RANBP2: variants seen among roughly 807,000 people sequenced by gnomAD.
The protein encoded by RANBP2 is RAN binding protein 2.
A neutral mutation model predicts 303.6 loss-of-function variants in RANBP2; 57 were observed. The ratio of observed to expected loss-of-function variants is 0.19; its 90% CI spans 0.15 to 0.23. RANBP2 has a LOEUF of 0.23. Among genes scored for constraint, RANBP2 ranks in the 10% least tolerant of loss-of-function variants. The probability of loss-of-function intolerance (pLI) is 1.00; values close to 1 mark genes in which losing one functional copy is unlikely to be tolerated. For missense variants in RANBP2, 3,138 were observed against 3,780.8 expected (o/e 0.83, Z 4.46); for synonymous variants, 1,167 against 1,301.5 (o/e 0.90, Z 2.23).
chr2:108,780,674 C>A (rs1240293469), intron 25 of RANBP2, among the ~76,000 whole-genome samples: 1 of 151,410 alleles, frequency 6.6e-6, no homozygotes, highest in Non-Finnish European at 1.5e-5. Context: ...GGACCACAGG[C>A]GCATACCACC....
downstream of RANBP2, chr2:108,786,781 T>TG: frequency 2.0e-6 from 3 of 1,536,000 alleles, no homozygotes. Flanking sequence ...GCGGGTTTGA[T>TG]GAACGCGGTT....
the RANBP2 span, among the ~76,000 whole-genome samples, chr2:109,572,131 T>TC: frequency 1.3e-5 from 2 of 152,102 alleles, no homozygotes; most frequent in Non-Finnish European, 2.9e-5. Context: ...GCTCCCCACC[T>TC]CTTTTTTTTT....
chr2:108,788,042 C>G (rs200953529), downstream of RANBP2: 22 of 1,545,660 alleles, frequency 1.4e-5, no homozygotes, highest in Non-Finnish European at 1.5e-5. Context: ...TATGATTTTT[C>G]AAATTTTTAT....
At chr2:109,298,577 G>A in the RANBP2 span, among the ~76,000 whole-genome samples, 1,643 of 152,186 alleles carry the variant, frequency 0.011, 25 homozygotes, top group Non-Finnish European at 0.018. Flanking sequence ...CCTGCAGGAG[G>A]ATGAGCCCCG....
chr2:109,585,726 C>T, the RANBP2 span: 8 of 1,610,266 alleles, frequency 5.0e-6, no homozygotes, highest in Middle Eastern at 1.9e-4. Flanking sequence ...CGTACCCACA[C>T]AGAGAATATT....
the RANBP2 span, among the ~76,000 whole-genome samples, chr2:109,258,508 G>A: frequency 1.3e-5 from 2 of 152,138 alleles, no homozygotes; most frequent in Non-Finnish European, 2.9e-5. Flanking sequence ...ATGTAGGCTG[G>A]CCAGGGCGGT....
chr2:109,462,612 AT>A, the RANBP2 span, among the ~76,000 whole-genome samples: 1 of 152,122 alleles, frequency 6.6e-6, no homozygotes, highest in Admixed American at 6.5e-5. Flanking sequence ...TATTGCTTTT[AT>A]TTTACCATTT....
chr2:109,553,810 C>T, the RANBP2 span, among the ~76,000 whole-genome samples: 4 of 149,414 alleles, frequency 2.7e-5, no homozygotes, highest in Middle Eastern at 3.5e-3. Flanking sequence ...GCCAAGATCG[C>T]GCCACTGCAT....
At chr2:109,296,443 T>C in the RANBP2 span, among the ~76,000 whole-genome samples, 1 of 151,918 alleles carries the variant, frequency 6.6e-6, no homozygotes, top group Non-Finnish European at 1.5e-5. Context: ...GGTTTTACCA[T>C]GTTGTTCAAG....
At chr2:108,748,472 T>C (rs899950318) in intron 8 of RANBP2, among the ~76,000 whole-genome samples, 9 of 151,290 alleles carry the variant, frequency 5.9e-5, no homozygotes, top group Non-Finnish European at 1.3e-4. Context: ...CCACCCAGCT[T>C]GGCCTCCCAA....
the RANBP2 span, among the ~76,000 whole-genome samples, chr2:109,553,409 T>C: frequency 9.0e-4 from 135 of 150,472 alleles, no homozygotes; most frequent in South Asian, 0.013. Context: ...CTGGGCATGA[T>C]AGCAGGTGCC....
the RANBP2 span, among the ~76,000 whole-genome samples, chr2:108,886,012 G>C: frequency 6.6e-6 from 1 of 152,158 alleles, no homozygotes; most frequent in Admixed American, 6.5e-5. Context: ...TTCGTCCGCT[G>C]ATGGGCACTT....
At chr2:109,692,120 C>T in the RANBP2 span, among the ~76,000 whole-genome samples, 1 of 152,148 alleles carries the variant, frequency 6.6e-6, no homozygotes, top group Non-Finnish European at 1.5e-5. Context: ...AAACCCAAAT[C>T]CATCCCTTGC....
chr2:108,875,167 C>G, the RANBP2 span, among the ~76,000 whole-genome samples: 1 of 151,126 alleles, frequency 6.6e-6, no homozygotes, highest in Non-Finnish European at 1.5e-5. Flanking sequence ...CAAACTCTCT[C>G]AAGAGAGTTT....
chr2:108,832,876 C>T, the RANBP2 span, among the ~76,000 whole-genome samples: 8 of 152,078 alleles, frequency 5.3e-5, no homozygotes, highest in Admixed American at 1.3e-4. Flanking sequence ...GTGGAGTCAC[C>T]TGCTGTTCTA....
At chr2:108,855,917 TA>T in the RANBP2 span, among the ~76,000 whole-genome samples, 2 of 152,208 alleles carry the variant, frequency 1.3e-5, no homozygotes, top group Non-Finnish European at 2.9e-5. Context: ...AATCTCAGTA[TA>T]AAAATTATTA....
At chr2:108,862,777 C>T in the RANBP2 span, among the ~76,000 whole-genome samples, 2 of 151,974 alleles carry the variant, frequency 1.3e-5, no homozygotes, top group East Asian at 3.9e-4. Flanking sequence ...AAACGGTTTT[C>T]TTGATGTTGG....
At chr2:108,946,818 A>T in the RANBP2 span, among the ~76,000 whole-genome samples, 1 of 152,144 alleles carries the variant, frequency 6.6e-6, no homozygotes, top group Non-Finnish European at 1.5e-5. Context: ...GACACATGGG[A>T]ATTACAATTT....
the RANBP2 span, chr2:109,545,639 C>T: frequency 6.6e-7 from 1 of 1,505,982 alleles, no homozygotes; most frequent in Non-Finnish European, 8.8e-7. Context: ...TATCTTATGT[C>T]TATAATTCCC....
Sources: allele counts gnomAD v4.1 joint callset (sites outside exome capture counted in the v4.1 genomes callset), GRCh38; gene constraint gnomAD v4.1.1; transcripts MANE v1.5; gene names NCBI Gene and HGNC (gene_info 2026-07-23, HGNC 2026-07-21).